The following CERK variants were observed in gnomAD, a reference collection of about 807,000 sequenced individuals.
CERK encodes acylsphingosine kinase.
Under a neutral mutation model 63.4 loss-of-function variants are expected in CERK, and 39 were observed. The observed-to-expected ratio is 0.61, with a 90% CI of 0.48 to 0.80. The LOEUF is 0.80. Ranked by LOEUF, CERK falls within the 30% of genes least tolerant of loss-of-function variation. The pLI, the probability that CERK is intolerant of heterozygous loss-of-function variation, is 0.00. For missense variants in CERK, 670 were observed against 714.1 expected (o/e 0.94, Z 0.70); for synonymous variants, 302 against 280.0 (o/e 1.08, Z -0.78).
Position 46,693,433 on chromosome 22 carries a change from C to T in CERK, c.1120G>A (p.Ala374Thr), listed in dbSNP as rs755078858. 6 of 1,613,916 alleles carry T rather than the reference C, an allele frequency of 3.7e-6. No individual in the cohort carries two copies. In the South Asian group the frequency reaches 6.6e-5, roughly 18 times the overall value. Residue 374 changes from alanine to threonine, a missense_variant, in exon 10 of 13, where the codon GCT becomes ACT. Physicochemically the swap from Ala to Thr is moderately conservative, Grantham distance 58. Transcript: ENST00000216264. ...EQKKALYGLE[A>T]AEDVEEWQVV... ...CCTGTGTTTTAGGAATTACCCGCAG[C>T]TTCCAAACCATACAGTGCTTTCTTC...
chr22:46,734,087 TAC>T (rs1491165283), intron 1 of CERK, among the ~76,000 whole-genome samples: 2 of 142,164 alleles, frequency 1.4e-5, no homozygotes, highest in African/African-American at 2.5e-5. Flanking sequence ...TATATATATA[TAC>T]ATTTTCCTAT....
At chr22:46,710,847 C>T (rs927220165) in intron 5 of CERK, among the ~76,000 whole-genome samples, 2 of 152,152 alleles carry the variant, frequency 1.3e-5, no homozygotes, top group South Asian at 2.1e-4. Context: ...TCTGAAAGAC[C>T]GAAAGGGAAC....
intron 5 of CERK, among the ~76,000 whole-genome samples, chr22:46,709,446 G>A (rs1427388496): frequency 6.6e-6 from 1 of 152,190 alleles, no homozygotes; most frequent in Non-Finnish European, 1.5e-5. Flanking sequence ...GATGTGCATG[G>A]AGGAGCCCCC....
chr22:46,711,108 T>C lies in CERK; in HGVS notation c.547A>G (p.Ile183Val), dbSNP rs2082838837. Residue 183 changes from isoleucine (I) to valine (V), a missense_variant, in exon 5 of 13, where the codon ATT becomes GTT. Coordinates refer to ENST00000216264, the MANE Select transcript of CERK (RefSeq NM_022766.6). ...ANQAKETLYE[I>V]NIDKYDGIVC... ...CACCCGTCGTATTTGTCTATGTTAA[T>C]CTCATACAGAGTCTCCTTGGCCTGA... 5.0e-6 allele frequency: 8 copies of C among 1,613,730 alleles called. No homozygotes were observed. The highest frequency in any genetic ancestry group is 1.3e-5 in the African/African-American group (1 of 74,908).
At chr22:46,721,094 G>C in intron 1 of CERK, 79 bp from the exon 2 acceptor site, 1 of 898,562 alleles carries the variant, frequency 1.1e-6, no homozygotes, top group South Asian at 1.3e-5. Flanking sequence ...CCAAGAAGCT[G>C]AGAATATTCT....
chr22:46,729,835 C>T (rs930731180), intron 1 of CERK, among the ~76,000 whole-genome samples: 1 of 151,924 alleles, frequency 6.6e-6, no homozygotes, highest in Non-Finnish European at 1.5e-5. Context: ...GGCAGGAGAT[C>T]GAGACCATCC....
chr22:46,691,278 G>A (rs2082730268), intron 11 of CERK, among the ~76,000 whole-genome samples: 1 of 152,080 alleles, frequency 6.6e-6, no homozygotes, highest in African/African-American at 2.4e-5. Flanking sequence ...TCACCATGTT[G>A]CCCAGGCTGG....
chr22:46,687,247 T>C (rs778123839), intron 12 of CERK, 41 bp from the exon 13 acceptor site: 7 of 1,564,164 alleles, frequency 4.5e-6, no homozygotes, highest in Non-Finnish European at 6.1e-6. Flanking sequence ...CACGTGTCCC[T>C]CACTCAAAGC....
chr22:46,693,574 A>C, intron 9 of CERK, 71 bp from the exon 10 acceptor site: 3 of 1,227,414 alleles, frequency 2.4e-6, no homozygotes, highest in Non-Finnish European at 3.6e-6. Context: ...TGGCACATAT[A>C]GATGTATTTA....
At chr22:46,733,160 A>C (rs2082954153) in intron 1 of CERK, among the ~76,000 whole-genome samples, 1 of 140,378 alleles carries the variant, frequency 7.1e-6, no homozygotes, top group Non-Finnish European at 1.5e-5. Context: ...GTGAGCTGAG[A>C]TCACGCCACT....
chr22:46,716,406 G>T (rs535312907), intron 3 of CERK, among the ~76,000 whole-genome samples: 270 of 150,784 alleles, frequency 1.8e-3, no homozygotes, highest in Admixed American at 4.8e-3. Flanking sequence ...GGCCAGGCTG[G>T]TCCCGAACTC....
At chr22:46,722,455 A>G (rs2082897006) in intron 1 of CERK, among the ~76,000 whole-genome samples, 2 of 151,926 alleles carry the variant, frequency 1.3e-5, no homozygotes, top group Admixed American at 1.3e-4. Context: ...CAGAGGTCTC[A>G]GGAGGTGTCT....
At chr22:46,737,896 G>C in intron 1 of CERK, 111 bp downstream of exon 1, 1 of 563,570 alleles carries the variant, frequency 1.8e-6, no homozygotes. Flanking sequence ...CAGGGCCCCC[G>C]GCCTTACCAC....
intron 1 of CERK, among the ~76,000 whole-genome samples, chr22:46,730,204 G>C (rs1220473071): frequency 6.6e-6 from 1 of 150,728 alleles, no homozygotes; most frequent in East Asian, 2.0e-4. Context: ...GATTGCCTGA[G>C]CTCAGGAGTT....
intron 1 of CERK, among the ~76,000 whole-genome samples, chr22:46,730,481 A>T (rs2082940253): frequency 6.6e-6 from 1 of 152,336 alleles, no homozygotes; most frequent in East Asian, 1.9e-4. Flanking sequence ...GGAAAAATTT[A>T]AAACTGGAAA....
rs559640114 is a variant in CERK, at chr22:46,716,178, A to C, written c.380-3885T>G. On this transcript the variant is annotated intron_variant, in intron 3 of 12. Transcript: ENST00000216264. Reference sequence around the variant, plus strand: ...GCACTCCGGCCTGGGTGGCAGAACAAGACCTCATCTCCCTTTTTTTTTTTT... The same window carrying C: ...GCACTCCGGCCTGGGTGGCAGAACACGACCTCATCTCCCTTTTTTTTTTTT... 6.0e-5 allele frequency among the ~76,000 whole-genome samples: 9 copies of C among 149,830 alleles called. No homozygotes were observed. The East Asian group carries it at 1.8e-3, about 29-fold the overall frequency.
rs891868390 is a variant in CERK at position 46,736,820 on chromosome 22, C to T, written c.142+1187G>A. ...CCAGAACCCAACCCACAGATCCTCA[C>T]CACTCAGCACCAGAAAGCGCCCAGA... On this transcript the variant is annotated intron_variant, in intron 1 of 12. Transcript: ENST00000216264. Among the ~76,000 whole-genome samples, 5 of 152,156 alleles carry T rather than the reference C, an allele frequency of 3.3e-5. No homozygotes were observed. In the South Asian group the frequency reaches 1.0e-3, roughly 31 times the overall value.
In CERK at chr22:46,713,271, G is replaced by A. The variant is rs1197884059; in HGVS notation, c.380-978C>T. ...TGTAATCCCAGCACTTTGGGAGGCC[G>A]AGGTGGGCGGATCACGAGGTCAGGA... On this transcript the variant is annotated intron_variant, in intron 3 of 12. Transcript: ENST00000216264. Among the ~76,000 whole-genome samples, 10 of 151,832 alleles carry A rather than the reference G, an allele frequency of 6.6e-5. No individual in the cohort carries two copies. In the East Asian group the frequency reaches 1.2e-3, roughly 18 times the overall value.
intron 5 of CERK, among the ~76,000 whole-genome samples, 156 bp from the exon 6 acceptor site, chr22:46,708,144 T>C (rs1470536678): frequency 6.6e-6 from 1 of 152,166 alleles, no homozygotes; most frequent in African/African-American, 2.4e-5. Flanking sequence ...AGTGATAAGG[T>C]CGTGCCTCTG....
Sources: allele counts gnomAD v4.1 joint callset (sites outside exome capture counted in the v4.1 genomes callset), GRCh38; gene constraint gnomAD v4.1.1; transcripts MANE v1.5; gene names NCBI Gene and HGNC (gene_info 2026-07-23, HGNC 2026-07-21).